The following ZNF536 variants were observed in gnomAD, a reference collection of about 807,000 sequenced individuals.
ZNF536 encodes zinc finger protein 536.
Under a neutral mutation model 84.5 loss-of-function variants are expected in ZNF536, and 13 were observed. The ratio of observed to expected loss-of-function variants is 0.15; its 90% confidence interval spans 0.10 to 0.24. ZNF536 has a LOEUF of 0.24. Among genes scored for constraint, ZNF536 ranks in the 10% least tolerant of loss-of-function variants. The pLI, the probability that ZNF536 is intolerant of heterozygous loss-of-function variation, is 1.00. For synonymous variants in ZNF536, 811 were observed against 742.5 expected (o/e 1.09, Z -1.50); for missense variants, 1,536 against 1,747.5 (o/e 0.88, Z 2.16).
intron 2 of ZNF536, among the ~76,000 whole-genome samples, chr19:30,320,100 G>C (rs1600207610): frequency 6.6e-6 from 1 of 152,078 alleles, no homozygotes; most frequent in South Asian, 2.1e-4. Context: ...TCTGACATCT[G>C]TTCCTCTCTA....
intron 1 of ZNF536, among the ~76,000 whole-genome samples, chr19:30,570,259 C>T (rs2046497983): frequency 2.0e-5 from 3 of 152,204 alleles, no homozygotes; most frequent in Non-Finnish European, 2.9e-5. Flanking sequence ...CCCTCCACAT[C>T]CTGTCACCTT....
chr19:30,298,024 G>T (rs754858070), intron 2 of ZNF536, among the ~76,000 whole-genome samples: 1 of 151,964 alleles, frequency 6.6e-6, no homozygotes, highest in African/African-American at 2.4e-5. Context: ...GAAATTATAG[G>T]CGCGTGCCAC....
rs59889852 is a variant in ZNF536, at chr19:30,264,966, T to TGTGTGTGTGTGAGAGAGA, written c.-189-19105_-189-19104insTGTGTGTGTGAGAGAGAG. On this transcript the variant is annotated intron_variant, in intron 1 of 5. Transcript: ENST00000585628. ...GTGTGTGTGTGTGTGTGTGTGTGTGTGAGAGAGAGAGAGAGAAAGAGAGAT... is the reference window on the plus strand; with the variant it reads ...GTGTGTGTGTGTGTGTGTGTGTGTGTGTGTGTGTGTGAGAGAGAGAGAGAGAGAGAGAGAAAGAGAGAT... Among the ~76,000 whole-genome samples the TGTGTGTGTGTGAGAGAGA allele has an allele frequency of 9.8e-3, 1,308 of 133,800 alleles. 16 individuals are homozygous for TGTGTGTGTGTGAGAGAGA. Among genetic ancestry groups the TGTGTGTGTGTGAGAGAGA allele is most frequent in the South Asian group, 0.031 (116 of 3,764 alleles). The allele number at this position is 133,800 out of a possible 152,430, so 87.8% of individuals were successfully genotyped here.
chr19:30,435,271 G>A (rs957711465), intron 1 of ZNF536, among the ~76,000 whole-genome samples: 3 of 151,486 alleles, frequency 2.0e-5, no homozygotes, highest in Non-Finnish European at 4.4e-5. Context: ...TGATGGTGAT[G>A]ATGACGGTGA....
chr19:30,585,040 T>C (rs1306868257), intron 1 of ZNF536, among the ~76,000 whole-genome samples: 1 of 151,884 alleles, frequency 6.6e-6, no homozygotes, highest in Non-Finnish European at 1.5e-5. Context: ...AGTGTCTCAC[T>C]CTGTTGCCCT....
chr19:30,352,467 T>G (rs1275666718), exon 3 of ZNF536: 1 of 152,276 alleles, frequency 6.6e-6, no homozygotes, highest in Non-Finnish European at 1.5e-5. Context: ...AAGACAAGTA[T>G]GCAGTTAAGC....
intron 1 of ZNF536, among the ~76,000 whole-genome samples, chr19:30,263,301 T>C (rs892794060): frequency 6.6e-6 from 1 of 152,138 alleles, no homozygotes; most frequent in Non-Finnish European, 1.5e-5. Context: ...ATTTACTGGG[T>C]CCCTGCCCTG....
intron 2 of ZNF536, among the ~76,000 whole-genome samples, chr19:30,337,084 T>C (rs1971981088): frequency 2.0e-5 from 3 of 152,104 alleles, no homozygotes; most frequent in Admixed American, 6.5e-5. Flanking sequence ...TTCTTGGTGG[T>C]GGTCAGATTG....
chr19:30,283,446 GT>G (rs2145673328), intron 1 of ZNF536, among the ~76,000 whole-genome samples: 2 of 152,352 alleles, frequency 1.3e-5, no homozygotes, highest in East Asian at 3.9e-4. Flanking sequence ...ACTTACATCA[GT>G]GATAAAACAG....
At chr19:30,563,230 G>A (rs374707000) in intron 1 of ZNF536, among the ~76,000 whole-genome samples, 9 of 152,188 alleles carry the variant, frequency 5.9e-5, no homozygotes, top group East Asian at 1.9e-4. Context: ...TGTACTCACC[G>A]CTGGAAGGTC....
At position 30,356,425 on chromosome 19, in the gene ZNF536, G is replaced by A. The variant is rs1481363257; in HGVS notation, c.-3+3941G>A. Among the ~76,000 whole-genome samples the A allele has an allele frequency of 1.3e-5, 2 of 152,234 alleles. 1 individual carries two copies. The highest frequency in any genetic ancestry group is 2.9e-5 in the Non-Finnish European group (2 of 68,046). ...CCTCCGTCCTGGTACAGATGAGTGA[G>A]TCAACATCCTTCCTGCAGCAGTAAT... On this transcript the variant is annotated intron_variant, in intron 3 of 5. Coordinates refer to the ZNF536 transcript ENST00000585628.
chr19:30,582,589 G>C (rs2046960353), intron 1 of ZNF536, among the ~76,000 whole-genome samples: 1 of 151,716 alleles, frequency 6.6e-6, no homozygotes, highest in African/African-American at 2.4e-5. Context: ...CGATGTATTA[G>C]TCTGTTCTCA....
At chr19:30,618,058 T>C (rs766254871) in intron 1 of ZNF536, among the ~76,000 whole-genome samples, 2 of 152,260 alleles carry the variant, frequency 1.3e-5, no homozygotes, top group Non-Finnish European at 2.9e-5. Flanking sequence ...TGCTTCCTAG[T>C]TTTTAAGTAC....
chr19:30,644,304 G>A (rs2867078), intron 1 of ZNF536, among the ~76,000 whole-genome samples: 69,276 of 151,824 alleles, frequency 0.46, 16,336 homozygotes, highest in Admixed American at 0.55. Flanking sequence ...ATAACGATTT[G>A]GTTTAAAGTA....
chr19:30,315,110 G>T (rs1466181588), intron 2 of ZNF536, among the ~76,000 whole-genome samples: 1 of 152,182 alleles, frequency 6.6e-6, no homozygotes, highest in Non-Finnish European at 1.5e-5. Flanking sequence ...CTCCTTGAGG[G>T]CAGGAATCTC....
At chr19:30,667,469 C>G (rs551689928) in intron 1 of ZNF536, among the ~76,000 whole-genome samples, 29 of 152,206 alleles carry the variant, frequency 1.9e-4, no homozygotes, top group Admixed American at 5.2e-4. Context: ...AGGCCTCCCC[C>G]ATGCCGAAGC....
At chr19:30,602,047 C>T (rs12459020) in intron 1 of ZNF536, among the ~76,000 whole-genome samples, 1 of 152,232 alleles carries the variant, frequency 6.6e-6, no homozygotes, top group African/African-American at 2.4e-5. Context: ...GCTGTGCACA[C>T]TGCAAACTTC....
At chr19:30,450,874 C>T (rs2052572246) in intron 2 of ZNF536, among the ~76,000 whole-genome samples, 1 of 152,164 alleles carries the variant, frequency 6.6e-6, no homozygotes, top group African/African-American at 2.4e-5. Context: ...GCCTTCCTTC[C>T]CCACCTCCTA....
chr19:30,308,285 A>G (rs142628652), intron 2 of ZNF536, among the ~76,000 whole-genome samples: 425 of 152,288 alleles, frequency 2.8e-3, no homozygotes, highest in Non-Finnish European at 4.4e-3. Context: ...GTGGACTGAG[A>G]TGAACTTGAT....
Sources: allele counts gnomAD v4.1 joint callset (sites outside exome capture counted in the v4.1 genomes callset), GRCh38; gene constraint gnomAD v4.1.1; transcripts MANE v1.5; gene names NCBI Gene and HGNC (gene_info 2026-07-23, HGNC 2026-07-21).